The following CNTNAP5 variants were observed in gnomAD, a reference collection of about 807,000 sequenced individuals.
CNTNAP5 encodes the protein contactin associated protein family member 5.
In CNTNAP5, 72 loss-of-function variants were observed where a neutral mutation model predicts 150.2. That is an observed-to-expected ratio of 0.48 (90% confidence interval 0.40 to 0.58). The LOEUF (loss-of-function observed/expected upper bound fraction) is 0.58. Ranked by LOEUF, CNTNAP5 falls within the 20% of genes least tolerant of loss-of-function variation. The pLI is 0.00. For missense variants in CNTNAP5, 1,636 were observed against 1,626.2 expected (o/e 1.01, Z -0.10); for synonymous variants, 672 against 619.8 (o/e 1.08, Z -1.25).
intron 22 of CNTNAP5, among the ~76,000 whole-genome samples, chr2:124,907,486 G>A (rs1035526701): frequency 1.4e-5 from 2 of 148,006 alleles, no homozygotes; most frequent in African/African-American, 4.9e-5. Flanking sequence ...TATAAGAATA[G>A]ATATATAGAT....
At position 124,726,321 on chromosome 2, in the gene CNTNAP5, G is replaced by A. The variant is rs116257997; in HGVS notation, c.2078-20908G>A. On this transcript the variant is annotated intron_variant, in intron 13 of 23. Transcript: ENST00000682447. Reference sequence around the variant, plus strand: ...GTAAGAGGTGATTGGATCATGGAGGGAGTTTCCCCTATGCTGTTGTCAAGA... The same window carrying A: ...GTAAGAGGTGATTGGATCATGGAGGAAGTTTCCCCTATGCTGTTGTCAAGA... Among the ~76,000 whole-genome samples the A allele has an allele frequency of 2.4e-3, 371 of 152,202 alleles. 1 individual carries two copies. Among genetic ancestry groups the A allele is most frequent in the Middle Eastern group, 0.014 (4 of 294 alleles).
chr2:124,153,343 G>A (rs1364785412), intron 1 of CNTNAP5, among the ~76,000 whole-genome samples: 5 of 152,132 alleles, frequency 3.3e-5, no homozygotes, highest in African/African-American at 4.8e-5. Flanking sequence ...ACCTTGCTGG[G>A]TTCAGATGCT....
chr2:124,293,384 AT>A (rs2104636518), intron 3 of CNTNAP5, among the ~76,000 whole-genome samples: 1 of 152,274 alleles, frequency 6.6e-6, no homozygotes, highest in African/African-American at 2.4e-5. Context: ...TATTCTCTGA[AT>A]ATCAAGAAAT....
chr2:124,868,758 G>A (rs529126525), intron 20 of CNTNAP5, among the ~76,000 whole-genome samples: 2 of 152,256 alleles, frequency 1.3e-5, no homozygotes, highest in East Asian at 3.9e-4. Flanking sequence ...GACTATGTAT[G>A]AGTCCCTGGT....
intron 13 of CNTNAP5, among the ~76,000 whole-genome samples, chr2:124,674,496 CCTTTCTTTCTTTCTCTTT>C (rs1553430155): frequency 0.029 from 3,260 of 113,504 alleles, 44 homozygotes; most frequent in Non-Finnish European, 0.045. Flanking sequence ...CTCTCTACTT[CCTTTCTTTCTTTCTCTTT>C]CTTTCTTTCT....
chr2:124,589,219 G>A (rs145196141), intron 11 of CNTNAP5, among the ~76,000 whole-genome samples: 1 of 152,166 alleles, frequency 6.6e-6, no homozygotes, highest in Non-Finnish European at 1.5e-5. Context: ...AGCCCCTGCA[G>A]TCACTAATGT....
chr2:124,074,893 C>T (rs1338569282), intron 1 of CNTNAP5, among the ~76,000 whole-genome samples: 2 of 152,078 alleles, frequency 1.3e-5, no homozygotes, highest in East Asian at 3.9e-4. Context: ...GCCTCATTTA[C>T]TGTGAGCAAA....
intron 1 of CNTNAP5, among the ~76,000 whole-genome samples, chr2:124,050,868 A>G (rs931689107): frequency 6.6e-6 from 1 of 152,220 alleles, no homozygotes; most frequent in African/African-American, 2.4e-5. Flanking sequence ...AACAAAATTT[A>G]TAGTAGGGAC....
intron 1 of CNTNAP5, among the ~76,000 whole-genome samples, chr2:124,053,573 T>A (rs922970076): frequency 2.6e-5 from 4 of 152,120 alleles, no homozygotes; most frequent in African/African-American, 9.7e-5. Context: ...AGTCTCTGAG[T>A]CTCTATTTCT....
chr2:124,419,902 T>TTCTTTCTTTCTTTC (rs1234032763), intron 4 of CNTNAP5, among the ~76,000 whole-genome samples: 2 of 104,050 alleles, frequency 1.9e-5, no homozygotes, highest in Non-Finnish European at 3.8e-5. Flanking sequence ...TTGGTTTTCT[T>TTCTTTCTTTCTTTC]TCTTTCTTTC....
In CNTNAP5 at chr2:124,609,880, C is replaced by T. The variant is rs747709967; in HGVS notation, c.1836C>T (p.Ser612=). The part of the protein sequence containing the change: ...AGFFYIDSDG[S]GPLGPLQVYC... ...TCTTCTACATCGACTCAGATGGCAG[C>T]GGCCCACTGGGACCTCTCCAGGTGT... is the stretch of plus-strand genomic sequence containing the variant. Residue 612 remains serine (S), a synonymous_variant, in exon 12 of 24, where the codon AGC becomes AGT. Transcript: ENST00000682447. The T allele has an allele frequency of 1.9e-5, 30 of 1,613,784 alleles. No individual in the cohort carries two copies. The highest frequency in any genetic ancestry group is 2.2e-5 in the East Asian group (1 of 44,888).
intron 17 of CNTNAP5, 57 bp downstream of exon 17, chr2:124,773,074 C>A (rs1379960921): frequency 2.9e-6 from 4 of 1,371,574 alleles, no homozygotes; most frequent in African/African-American, 1.4e-5. Context: ...ACTGTGTGAC[C>A]ATGCCCAAGA....
At chr2:124,249,536 C>T (rs1351280306) in intron 3 of CNTNAP5, among the ~76,000 whole-genome samples, 3 of 152,198 alleles carry the variant, frequency 2.0e-5, no homozygotes, top group African/African-American at 7.2e-5. Flanking sequence ...CAATTGTTAA[C>T]CAGAAAGTGT....
At chr2:124,603,370 T>C (rs2104976423) in intron 11 of CNTNAP5, among the ~76,000 whole-genome samples, 1 of 152,320 alleles carries the variant, frequency 6.6e-6, no homozygotes, top group East Asian at 1.9e-4. Flanking sequence ...TGTCTTATTG[T>C]GCCACATTAG....
intron 21 of CNTNAP5, among the ~76,000 whole-genome samples, chr2:124,899,495 A>G (rs1390941254): frequency 2.6e-5 from 4 of 151,678 alleles, no homozygotes; most frequent in Non-Finnish European, 5.9e-5. Context: ...AAACTAAGTC[A>G]ATTTCAAATA....
chr2:124,838,099 A>C (rs1038889647), intron 19 of CNTNAP5, among the ~76,000 whole-genome samples: 2 of 152,150 alleles, frequency 1.3e-5, no homozygotes, highest in African/African-American at 4.8e-5. Context: ...AATGTCTGCA[A>C]ATGTAGCTTC....
chr2:124,150,780 G>T (rs1352970557), intron 1 of CNTNAP5, among the ~76,000 whole-genome samples: 1 of 152,062 alleles, frequency 6.6e-6, no homozygotes, highest in African/African-American at 2.4e-5. Flanking sequence ...CCTCCTAAAG[G>T]TCCCATCTTT....
chr2:124,386,621 G>A (rs1690932785), intron 3 of CNTNAP5, among the ~76,000 whole-genome samples: 1 of 152,144 alleles, frequency 6.6e-6, no homozygotes, highest in Admixed American at 6.6e-5. Flanking sequence ...ACTATCTGAT[G>A]GTAATTCTGA....
At chr2:124,550,204 A>C (rs1160609000) in intron 10 of CNTNAP5, among the ~76,000 whole-genome samples, 1 of 152,204 alleles carries the variant, frequency 6.6e-6, no homozygotes, top group African/African-American at 2.4e-5. Flanking sequence ...AATACTTCAC[A>C]AGAGAGCCCA....
Sources: allele counts gnomAD v4.1 joint callset (sites outside exome capture counted in the v4.1 genomes callset), GRCh38; gene constraint gnomAD v4.1.1; transcripts MANE v1.5; gene names NCBI Gene and HGNC (gene_info 2026-07-23, HGNC 2026-07-21).